Variants in WDR19 observed in about 807,000 individuals in gnomAD.
WDR19 encodes WD repeat domain 19.
Under a neutral mutation model 180.0 loss-of-function variants are expected in WDR19, and 121 were observed. That is an observed-to-expected ratio of 0.67 (90% CI 0.58 to 0.78). The LOEUF (loss-of-function observed/expected upper bound fraction) is 0.78. Among genes scored for constraint, WDR19 ranks in the 30% least tolerant of loss-of-function variants. The pLI is 0.00. For synonymous variants in WDR19, 497 were observed against 540.7 expected (o/e 0.92, Z 1.12); for missense variants, 1,450 against 1,640.7 (o/e 0.88, Z 2.01).
intron 5 of WDR19, among the ~76,000 whole-genome samples, chr4:39,196,755 A>G (rs1401493894): frequency 1.3e-5 from 2 of 152,240 alleles, no homozygotes; most frequent in Non-Finnish European, 2.9e-5. Context: ...AGGCCTTAAA[A>G]TGGCCAGAAC....
intron 36 of WDR19, among the ~76,000 whole-genome samples, chr4:39,279,222 G>A (rs1021020454): frequency 6.6e-6 from 1 of 152,206 alleles, no homozygotes; most frequent in African/African-American, 2.4e-5. Flanking sequence ...TTTACCAAAG[G>A]GAAAGGTGAA....
chr4:39,240,257 C>T lies in WDR19; in HGVS notation c.2364-20C>T, dbSNP rs1577965215. On this transcript the variant is annotated intron_variant, in intron 20 of 36. Transcript: ENST00000399820. The stretch of plus-strand genomic sequence containing the variant: ...AATATATATTAAAATTATTAAAATT[C>T]ACTCTTATTTTTTTTTCAGGGGTGA... 8.4e-7 allele frequency: 1 copy of T among 1,190,834 alleles called. No homozygotes were observed. Among genetic ancestry groups the T allele is most frequent in the East Asian group, 3.7e-5 (1 of 26,768 alleles). 73.8% of individuals were successfully genotyped at this position (1,190,834 alleles called of 1,614,324 possible).
intron 22 of WDR19, 38 bp from the exon 23 acceptor site, chr4:39,244,427 ATACAT>A: frequency 6.2e-7 from 1 of 1,613,906 alleles, no homozygotes; most frequent in Non-Finnish European, 8.5e-7. Context: ...GTGGTCTTTT[ATACAT>A]AATAACTTAG....
chr4:39,197,433 A>C (rs1282852409), intron 5 of WDR19, among the ~76,000 whole-genome samples: 6 of 151,640 alleles, frequency 4.0e-5, no homozygotes, highest in African/African-American at 1.5e-4. Context: ...CTCAAAAAAA[A>C]AAAAAAAAAA....
At position 39,205,848 on chromosome 4, in the gene WDR19, G is replaced by A. The variant is rs186544358; in HGVS notation, c.890+112G>A. The A allele has an allele frequency of 2.3e-3, 2,317 of 1,004,014 alleles. 3 individuals are homozygous for A. The highest frequency in any genetic ancestry group is 3.0e-3 in the Non-Finnish European group (2,144 of 712,640). 62.2% of individuals were successfully genotyped at this position (1,004,014 alleles called of 1,614,324 possible). A position where few individuals can be genotyped will look rare whatever the true frequency, so the allele number is the denominator to read the frequency against. On this transcript the variant is annotated intron_variant, in intron 9 of 36. Coordinates refer to ENST00000399820, the MANE Select transcript of WDR19 (RefSeq NM_025132.4). Reference sequence around the variant, plus strand: ...GGCAATCATGTTTACAATTTAAAACGTCTAAGACTACTTTGCTCCTGATTT... The same window carrying A: ...GGCAATCATGTTTACAATTTAAAACATCTAAGACTACTTTGCTCCTGATTT...
At chr4:39,260,245 G>A (rs1422423780) in intron 28 of WDR19, among the ~76,000 whole-genome samples, 3 of 151,822 alleles carry the variant, frequency 2.0e-5, no homozygotes, top group Admixed American at 6.6e-5. Flanking sequence ...TACTTGATCA[G>A]ATATGGATGA....
chr4:39,265,390 G>C (rs185689108), intron 28 of WDR19, among the ~76,000 whole-genome samples: 10 of 152,230 alleles, frequency 6.6e-5, no homozygotes, highest in South Asian at 2.1e-4. Context: ...CCGCTGCAGA[G>C]GAGGGCCCCT....
Position 39,206,562 on chromosome 4 carries a change from A to C in WDR19, c.890+826A>C, listed in dbSNP as rs561735747. On this transcript the variant is annotated intron_variant, in intron 9 of 36. Coordinates refer to ENST00000399820, the MANE Select transcript of WDR19 (RefSeq NM_025132.4). ...GATCAAGCATTAATAGAGGACCAAAATTAGGAGACCTAGGGATTGGAAAGT... is the reference window on the plus strand; with the variant it reads ...GATCAAGCATTAATAGAGGACCAAACTTAGGAGACCTAGGGATTGGAAAGT... Among the ~76,000 whole-genome samples, 16 of 152,326 alleles carry C rather than the reference A, an allele frequency of 1.1e-4. 1 individual carries two copies. In the South Asian group the frequency reaches 2.7e-3, roughly 26 times the overall value.
In WDR19 at chr4:39,255,863, C is replaced by T; in HGVS notation, c.3017C>T (p.Thr1006Ile). 6.3e-7 allele frequency: 1 copy of T among 1,599,012 alleles called. No homozygotes were observed. Among genetic ancestry groups the T allele is most frequent in the Non-Finnish European group, 8.5e-7 (1 of 1,172,374 alleles). ...YADIIGSEDT[T>I]NEDYQSIALY... is the part of the protein sequence containing the mutation. ...TCTGTTACAGGTTCTGAAGACACTA[C>T]TAATGAAGACTATCAAAGCATTGCC... Residue 1006 changes from threonine (T) to isoleucine (I), a missense_variant, in exon 27 of 37, where the codon ACT becomes ATT. By Grantham distance (89) the Thr-to-Ile change is moderately conservative (BLOSUM62 -1). Coordinates refer to ENST00000399820, the MANE Select transcript of WDR19 (RefSeq NM_025132.4).
At chr4:39,201,715 A>G (rs1039398508) in intron 6 of WDR19, among the ~76,000 whole-genome samples, 1 of 152,174 alleles carries the variant, frequency 6.6e-6, no homozygotes, top group African/African-American at 2.4e-5. Flanking sequence ...GACATTACCA[A>G]TAGATAGTGG....
chr4:39,279,328 G>A (rs1736225302), intron 36 of WDR19, among the ~76,000 whole-genome samples: 2 of 152,196 alleles, frequency 1.3e-5, no homozygotes, highest in Admixed American at 1.3e-4. Flanking sequence ...CCTTCCTCAG[G>A]AAGCGGCAGC....
intron 21 of WDR19, among the ~76,000 whole-genome samples, chr4:39,241,948 T>A (rs1272882973): frequency 6.6e-6 from 1 of 151,470 alleles, no homozygotes; most frequent in Non-Finnish European, 1.5e-5. Flanking sequence ...TTTTTTTTTT[T>A]ACCAAAAATG....
intron 24 of WDR19, among the ~76,000 whole-genome samples, chr4:39,250,395 A>G (rs895585978): frequency 5.3e-5 from 8 of 152,210 alleles, no homozygotes; most frequent in Admixed American, 3.9e-4. Flanking sequence ...CCCACAGCCA[A>G]TATCATACTG....
intron 4 of WDR19, among the ~76,000 whole-genome samples, chr4:39,193,585 A>G (rs1006081260): frequency 3.3e-5 from 5 of 152,148 alleles, no homozygotes; most frequent in African/African-American, 9.7e-5. Flanking sequence ...CACAAACTCA[A>G]CTTGTATCAA....
rs1443871420 is a variant in WDR19 at position 39,244,493 on chromosome 4, G to C, written c.2586G>C (p.Leu862=). Residue 862 remains leucine, a synonymous_variant, in exon 23 of 37, where the codon CTG becomes CTC. Transcript: ENST00000399820. ...AGCAATTTTCAGAAGCGGCCCAACT[G>C]TATGAAAAAGGTCTCTACTACGATA... ...NMKQFSEAAQ[L]YEKGLYYDKA... is the part of the protein sequence containing the mutation. The C allele has an allele frequency of 6.2e-7, 1 of 1,613,952 alleles. No individual in the cohort carries two copies. Among genetic ancestry groups the C allele is most frequent in the Admixed American group, 1.7e-5 (1 of 60,014 alleles).
At chr4:39,225,814 C>T (rs1730190306) in intron 15 of WDR19, among the ~76,000 whole-genome samples, 1 of 152,038 alleles carries the variant, frequency 6.6e-6, no homozygotes, top group Admixed American at 6.6e-5. Context: ...CTTTCCTTCC[C>T]TTCCCTTTCT....
chr4:39,273,175 A>G (rs1735551987), intron 32 of WDR19, 114 bp downstream of exon 32: 2 of 759,506 alleles, frequency 2.6e-6, no homozygotes, highest in Non-Finnish European at 4.2e-6. Flanking sequence ...TTCTCACAGC[A>G]GCTCCATGAA....
At chr4:39,271,182 C>T (rs968582371) in intron 31 of WDR19, among the ~76,000 whole-genome samples, 35 of 152,190 alleles carry the variant, frequency 2.3e-4, no homozygotes. Context: ...CAGGCGTGAG[C>T]CACTGTGCCC....
intron 9 of WDR19, among the ~76,000 whole-genome samples, chr4:39,212,686 G>A (rs952536684): frequency 1.3e-5 from 2 of 152,064 alleles, no homozygotes; most frequent in Admixed American, 6.6e-5. Flanking sequence ...GAAAATATTT[G>A]CAAACCACGT....
Sources: gnomAD v4.1 joint callset for allele counts (sites outside exome capture counted in the v4.1 genomes callset) on GRCh38, gnomAD v4.1.1 for gene constraint, MANE v1.5 for transcripts, NCBI Gene and HGNC (gene_info 2026-07-23, HGNC 2026-07-21) for gene names.